Variants in LDHC observed in about 807,000 individuals in gnomAD.
LDHC encodes the protein L-lactate dehydrogenase C chain.
LDHC carries 20 observed loss-of-function variants against 30.2 expected under a neutral mutation model. That is an observed-to-expected ratio of 0.66 (90% confidence interval 0.47 to 0.96). LDHC has a LOEUF of 0.96. Among genes scored for constraint, LDHC ranks in the 40% least tolerant of loss-of-function variants. The pLI is 0.00. For missense variants in LDHC, 362 were observed against 394.9 expected (o/e 0.92, Z 0.71); for synonymous variants, 139 against 132.7 (o/e 1.05, Z -0.32).
At chr11:18,436,481 G>GATTT (rs762530928) in intron 5 of LDHC, among the ~76,000 whole-genome samples, 1,164 of 108,138 alleles carry the variant, frequency 0.011, 25 homozygotes, top group Middle Eastern at 0.034. Context: ...ATAATACAAA[G>GATTT]TTTTTTTTTT....
intron 6 of LDHC, among the ~76,000 whole-genome samples, chr11:18,445,007 A>T (rs569901880): frequency 6.6e-6 from 1 of 152,250 alleles, no homozygotes; most frequent in South Asian, 2.1e-4. Context: ...TTGTATAAAA[A>T]TTTATATTTT....
rs1848231777 is a variant in LDHC at position 18,429,761 on chromosome 11, G to A, written c.269G>A (p.Arg90Lys). The A allele has an allele frequency of 6.2e-7, 1 of 1,609,702 alleles. No homozygotes were observed. Among genetic ancestry groups the A allele is most frequent in the Admixed American group, 1.7e-5 (1 of 59,582 alleles). The change falls in exon 4 of 8, where the codon AGA becomes AAA. Residue 90 changes from arginine (R) to lysine (K), a missense_variant. Coordinates refer to ENST00000541669, the MANE Select transcript of LDHC (RefSeq NM_017448.5). Reference protein sequence around the residue: ...GKDYSVSANSRIVIVTAGARQ... With the variant: ...GKDYSVSANSKIVIVTAGARQ... ...GATTACAGTGTATCTGCAAACTCCA[G>A]AATAGTTATTGTCACAGCAGGTGCA...
At chr11:18,427,333 C>T (rs572238033) in intron 3 of LDHC, among the ~76,000 whole-genome samples, 4 of 151,978 alleles carry the variant, frequency 2.6e-5, no homozygotes, top group Non-Finnish European at 5.9e-5. Context: ...CCAGCTTGGG[C>T]GACAGAGCAA....
chr11:18,441,562 C>T (rs1371642636), intron 6 of LDHC, among the ~76,000 whole-genome samples: 2 of 150,448 alleles, frequency 1.3e-5, no homozygotes, highest in Non-Finnish European at 3.0e-5. Flanking sequence ...ACCTTGGCCT[C>T]CCAAAGTGCT....
In LDHC at chr11:18,412,855, G is replaced by C. The variant is rs754263375; in HGVS notation, c.126+12G>C. On this transcript the variant is annotated intron_variant, in intron 2 of 7. Coordinates refer to ENST00000541669, the MANE Select transcript of LDHC (RefSeq NM_017448.5). Reference sequence around the variant, plus strand: ...GTATCTTACTGAAGGTGAGTGAGAAGCCCATCCTGTGGCTGAAAATCAAGT... The same window carrying C: ...GTATCTTACTGAAGGTGAGTGAGAACCCCATCCTGTGGCTGAAAATCAAGT... 1 of 1,610,200 alleles carries C rather than the reference G, an allele frequency of 6.2e-7. No homozygotes were observed. The highest frequency in any genetic ancestry group is 8.5e-7 in the Non-Finnish European group (1 of 1,178,212).
chr11:18,428,111 G>T (rs1848193837), intron 3 of LDHC, among the ~76,000 whole-genome samples: 1 of 150,160 alleles, frequency 6.7e-6, no homozygotes, highest in Non-Finnish European at 1.5e-5. Flanking sequence ...CATAAATGAA[G>T]ATGTGATATT....
chr11:18,443,448 T>C (rs1389855120), intron 6 of LDHC, among the ~76,000 whole-genome samples: 1 of 148,008 alleles, frequency 6.8e-6, no homozygotes, highest in Non-Finnish European at 1.5e-5. Context: ...TAGTTCTTTC[T>C]TTTCTTTCTT....
chr11:18,434,707 A>T, intron 4 of LDHC, 33 bp from the exon 5 acceptor site: 1 of 1,412,638 alleles, frequency 7.1e-7, no homozygotes, highest in South Asian at 1.2e-5. Flanking sequence ...AGTTATGATG[A>T]ATCTTTTTCT....
chr11:18,413,196 C>CT, intron 2 of LDHC, among the ~76,000 whole-genome samples: 1 of 152,100 alleles, frequency 6.6e-6, no homozygotes, highest in South Asian at 2.1e-4. Flanking sequence ...ATTCTCCTGC[C>CT]TCAGCCTCTT....
chr11:18,421,042 T>C (rs1477076813), intron 3 of LDHC, among the ~76,000 whole-genome samples: 1 of 152,092 alleles, frequency 6.6e-6, no homozygotes, highest in Non-Finnish European at 1.5e-5. Context: ...TTCTTTTTCT[T>C]TTTCAAATTT....
intron 3 of LDHC, among the ~76,000 whole-genome samples, chr11:18,425,231 C>T (rs143198770): frequency 2.0e-3 from 298 of 151,698 alleles, no homozygotes; most frequent in African/African-American, 5.9e-3. Flanking sequence ...GGCTAGAGTT[C>T]AGGGGTGTGA....
At chr11:18,440,392 CATAAT>C (rs757596085) in intron 6 of LDHC, among the ~76,000 whole-genome samples, 2 of 151,922 alleles carry the variant, frequency 1.3e-5, no homozygotes, top group African/African-American at 2.4e-5. Context: ...ACTAAAAAGT[CATAAT>C]ATAACAAGTG....
chr11:18,425,564 G>GA (rs1848147585), intron 3 of LDHC, among the ~76,000 whole-genome samples: 1 of 152,008 alleles, frequency 6.6e-6, no homozygotes, highest in Admixed American at 6.6e-5. Flanking sequence ...GGTTTTAACA[G>GA]AGTTGTTTAA....
intron 3 of LDHC, among the ~76,000 whole-genome samples, chr11:18,420,508 A>T (rs1208679493): frequency 6.6e-6 from 1 of 152,058 alleles, no homozygotes; most frequent in African/African-American, 2.4e-5. Flanking sequence ...CTGAGGGAGG[A>T]GTAAGTGTCA....
chr11:18,428,351 A>G (rs1172155637), intron 3 of LDHC, among the ~76,000 whole-genome samples: 3 of 150,732 alleles, frequency 2.0e-5, no homozygotes. Context: ...TTGTATTTTT[A>G]GTAGAGACAT....
At chr11:18,439,214 G>C (rs1023066750) in intron 6 of LDHC, among the ~76,000 whole-genome samples, 6 of 152,138 alleles carry the variant, frequency 3.9e-5, no homozygotes, top group African/African-American at 1.4e-4. Flanking sequence ...CAGCACACAG[G>C]ATTATTCTTC....
chr11:18,437,674 C>A (rs1590232309), intron 5 of LDHC, among the ~76,000 whole-genome samples: 1 of 150,754 alleles, frequency 6.6e-6, no homozygotes, highest in African/African-American at 2.4e-5. Flanking sequence ...ATGGCGTGAA[C>A]CCGGGAGGTG....
At chr11:18,444,016 C>T (rs1176875938) in intron 6 of LDHC, among the ~76,000 whole-genome samples, 2 of 152,106 alleles carry the variant, frequency 1.3e-5, no homozygotes, top group Non-Finnish European at 2.9e-5. Flanking sequence ...GCTCTTTTTA[C>T]ACAACAGCTT....
chr11:18,451,649 A>C lies in LDHC; in HGVS notation c.*522A>C, dbSNP rs537014158. Reference sequence around the variant, plus strand: ...TAAATGCTTATTTTTAAGACCATATATATCAAAAAGAAATAAAAAGCTGAG... The same window carrying C: ...TAAATGCTTATTTTTAAGACCATATCTATCAAAAAGAAATAAAAAGCTGAG... On this transcript the variant is annotated 3_prime_UTR_variant, in exon 8 of 8. Coordinates refer to ENST00000541669, the MANE Select transcript of LDHC (RefSeq NM_017448.5). The C allele has an allele frequency of 1.2e-4, 19 of 152,328 alleles. No homozygotes were observed. Among genetic ancestry groups the C allele is most frequent in the African/African-American group, 4.3e-4 (18 of 41,544 alleles). 9.4% of individuals were successfully genotyped at this position (152,328 alleles called of 1,614,324 possible).
Sources: gnomAD v4.1 joint callset for allele counts (sites outside exome capture counted in the v4.1 genomes callset) on GRCh38, gnomAD v4.1.1 for gene constraint, MANE v1.5 for transcripts, NCBI Gene and HGNC (gene_info 2026-07-23, HGNC 2026-07-21) for gene names.